Variants in OSMR observed in about 807,000 individuals in gnomAD.
OSMR encodes oncostatin-M-specific receptor subunit beta.
OSMR carries 81 observed loss-of-function variants against 99.9 expected under a neutral mutation model. The ratio of observed to expected loss-of-function variants is 0.81; its 90% confidence interval spans 0.68 to 0.97. The LOEUF (loss-of-function observed/expected upper bound fraction) is 0.97, where lower values mean the gene tolerates loss of function less well. OSMR is among the 50% of genes least tolerant of loss of function. OSMR has a pLI of 0.00. For synonymous variants in OSMR, 406 were observed against 410.4 expected, an observed-to-expected ratio of 0.99 and a Z score of 0.13; for missense variants, 1,099 against 1,153.4, an observed-to-expected ratio of 0.95 and a Z score of 0.68.
chr5:38,900,335 T>C (rs1561382537), intron 7 of OSMR, among the ~76,000 whole-genome samples: 1 of 152,184 alleles, frequency 6.6e-6, no homozygotes, highest in Non-Finnish European at 1.5e-5. Flanking sequence ...ATATCTTTCT[T>C]CCCCTTTTCA....
chr5:38,878,166 A>G (rs960929240), intron 3 of OSMR, among the ~76,000 whole-genome samples: 1 of 152,310 alleles, frequency 6.6e-6, no homozygotes, highest in South Asian at 2.1e-4. Flanking sequence ...CGGTGGACAC[A>G]TGTCCTATGG....
chr5:38,897,952 A>G (rs934384066), intron 7 of OSMR, among the ~76,000 whole-genome samples: 6 of 152,112 alleles, frequency 3.9e-5, no homozygotes, highest in African/African-American at 1.4e-4. Flanking sequence ...TTATTCCATT[A>G]TGACCAGAGA....
chr5:38,890,602 C>CA (rs1414780699), intron 7 of OSMR, among the ~76,000 whole-genome samples: 1 of 140,098 alleles, frequency 7.1e-6, no homozygotes, highest in Non-Finnish European at 1.6e-5. Flanking sequence ...AAAGCCCCCT[C>CA]TTTTTTTTTT....
intron 11 of OSMR, 178 bp downstream of exon 11, chr5:38,919,240 C>T (rs1413690104): frequency 2.6e-6 from 4 of 1,524,022 alleles, no homozygotes; most frequent in Non-Finnish European, 3.5e-6. Flanking sequence ...ACAGTCCCCT[C>T]AGTGTGGGGA....
At chr5:38,903,160 G>A (rs1046853715) in intron 7 of OSMR, among the ~76,000 whole-genome samples, 1 of 152,124 alleles carries the variant, frequency 6.6e-6, no homozygotes, top group African/African-American at 2.4e-5. Context: ...TCAACTGTCC[G>A]AGTCCAGTGA....
At position 38,923,921 on chromosome 5, in the gene OSMR, T is replaced by C. The variant is rs376727600; in HGVS notation, c.1871-501T>C. ...GCAAAGCCTTCAAAGTAAACATTCC[T>C]GGATTGTTTTTCAGTGACACTTGGA... On this transcript the variant is annotated intron_variant, in intron 13 of 17. Transcript: ENST00000274276. Among the ~76,000 whole-genome samples, 7 of 152,340 alleles carry C rather than the reference T, an allele frequency of 4.6e-5. No homozygotes were observed. The East Asian group carries it at 1.2e-3, about 25-fold the overall frequency.
At chr5:38,887,023 G>A (rs1230557868) in intron 7 of OSMR, among the ~76,000 whole-genome samples, 1 of 152,056 alleles carries the variant, frequency 6.6e-6, no homozygotes, top group Admixed American at 6.6e-5. Flanking sequence ...GCTATAAAAT[G>A]GTATTTCATG....
At chr5:38,861,614 G>T (rs1030440496) in intron 1 of OSMR, among the ~76,000 whole-genome samples, 17 of 152,138 alleles carry the variant, frequency 1.1e-4, no homozygotes, top group African/African-American at 4.1e-4. Flanking sequence ...ATCCCGGCCC[G>T]CTCTCAATGA....
chr5:38,860,427 A>G (rs373789021), intron 1 of OSMR, among the ~76,000 whole-genome samples: 68 of 152,274 alleles, frequency 4.5e-4, no homozygotes, highest in Middle Eastern at 3.4e-3. Flanking sequence ...CCACTTGATC[A>G]TGGTGTATTA....
At chr5:38,890,870 A>G (rs1447715570) in intron 7 of OSMR, among the ~76,000 whole-genome samples, 1 of 152,114 alleles carries the variant, frequency 6.6e-6, no homozygotes, top group African/African-American at 2.4e-5. Flanking sequence ...TAAGATGACT[A>G]TTGACTGAAA....
Position 38,924,583 on chromosome 5 carries a change from G to A in OSMR, c.2032G>A (p.Ala678Thr). The change falls in exon 14 of 18, where the codon GCA (alanine) becomes ACA (threonine). Residue 678 changes from alanine to threonine, a missense_variant. By Grantham distance (58) the Ala-to-Thr change is moderately conservative. Transcript: ENST00000274276. ...ARQCHPRFEK[A>T]VLSDGSECCK... ...GCAGTGCCACCCACGATTTGAAAAG[G>A]CAGTTCTTTCAGGTGACATCTATTT... is the stretch of plus-strand genomic sequence containing the variant. 1.2e-6 allele frequency: 2 copies of A among 1,611,260 alleles called. No individual in the cohort carries two copies. The highest frequency in any genetic ancestry group is 1.7e-5 in the Admixed American group (1 of 60,018).
downstream of OSMR, among the ~76,000 whole-genome samples, chr5:38,936,992 G>C (rs144768809): frequency 6.6e-6 from 1 of 152,136 alleles, no homozygotes. Context: ...TTTTTTAAAG[G>C]ATCAGCGGCA....
intron 4 of OSMR, among the ~76,000 whole-genome samples, chr5:38,883,013 T>C (rs1287376965): frequency 6.6e-6 from 1 of 152,186 alleles, no homozygotes; most frequent in Non-Finnish European, 1.5e-5. Flanking sequence ...AAAGAAAAGA[T>C]ATTAAAAAGA....
In OSMR at chr5:38,861,883, C is replaced by T. The variant is rs376335694; in HGVS notation, c.-13-7149C>T. 8.7e-5 allele frequency among the ~76,000 whole-genome samples: 12 copies of T among 137,844 alleles called. No homozygotes were observed. In the East Asian group the frequency reaches 3.0e-3, roughly 35 times the overall value. 90.4% of individuals were successfully genotyped at this position (137,844 alleles called of 152,430 possible). A position where few individuals can be genotyped will look rare whatever the true frequency, so the allele number is the denominator to read the frequency against. ...CTGGCCGGGCGGGGGGCTGACCCCCCCACCTCCCTCCCGGACGGGGCGGCT... is the reference window on the plus strand; with the variant it reads ...CTGGCCGGGCGGGGGGCTGACCCCCTCACCTCCCTCCCGGACGGGGCGGCT... On this transcript the variant is annotated intron_variant, in intron 1 of 17. Transcript: ENST00000274276.
At chr5:38,899,548 C>A (rs1200130091) in intron 7 of OSMR, among the ~76,000 whole-genome samples, 1 of 152,176 alleles carries the variant, frequency 6.6e-6, no homozygotes, top group Non-Finnish European at 1.5e-5. Context: ...AGAGTCTCAC[C>A]CAAGGCCCAT....
intron 10 of OSMR, 100 bp from the exon 11 acceptor site, chr5:38,918,740 G>GT: frequency 6.5e-7 from 1 of 1,548,686 alleles, no homozygotes; most frequent in South Asian, 1.2e-5. Flanking sequence ...TGGTGTGTGC[G>GT]TATATAAAGG....
intron 7 of OSMR, among the ~76,000 whole-genome samples, chr5:38,887,436 C>T (rs1743856749): frequency 6.6e-6 from 1 of 152,060 alleles, no homozygotes; most frequent in Non-Finnish European, 1.5e-5. Flanking sequence ...TGTTTGGTAA[C>T]CATTTTTCCA....
chr5:38,877,066 A>ATTTCCATT (rs753772008), intron 3 of OSMR, among the ~76,000 whole-genome samples: 4 of 152,136 alleles, frequency 2.6e-5, no homozygotes, highest in Non-Finnish European at 4.4e-5. Flanking sequence ...GTGGTTTATG[A>ATTTCCATT]TTTCCATTTC....
chr5:38,894,593 C>A (rs368716429), intron 7 of OSMR, among the ~76,000 whole-genome samples: 4 of 151,244 alleles, frequency 2.6e-5, no homozygotes, highest in South Asian at 2.1e-4. Context: ...TTAAAAAAGA[C>A]AAAAAAAAGG....
Sources: gnomAD v4.1 joint callset for allele counts (sites outside exome capture counted in the v4.1 genomes callset) on GRCh38, gnomAD v4.1.1 for gene constraint, MANE v1.5 for transcripts, NCBI Gene and HGNC (gene_info 2026-07-23, HGNC 2026-07-21) for gene names.